Variants in ANK3 observed in about 807,000 individuals in gnomAD.
ANK3 encodes ankyrin 3.
A neutral mutation model predicts 370.9 loss-of-function variants in ANK3; 57 were observed. That is an observed-to-expected ratio of 0.15 (90% confidence interval 0.12 to 0.19). The LOEUF is 0.19. Among genes scored for constraint, ANK3 ranks in the 10% least tolerant of loss-of-function variants. ANK3 has a pLI of 1.00. For missense variants in ANK3, 4,439 were observed against 5,302.1 expected (o/e 0.84, Z 5.06); for synonymous variants, 1,929 against 1,946.3 (o/e 0.99, Z 0.23).
intron 1 of ANK3, among the ~76,000 whole-genome samples, chr10:60,294,994 G>T (rs2042203288): frequency 1.3e-5 from 2 of 152,134 alleles, no homozygotes; most frequent in Admixed American, 1.3e-4. Flanking sequence ...CAAATTTAAG[G>T]TAACCGCTGG....
In ANK3 at chr10:60,059,489, T is replaced by G. The variant is rs2079905669; in HGVS notation, c.12596-59A>C. On this transcript the variant is annotated intron_variant, in intron 40 of 43. Transcript: ENST00000280772. ...GAACACGCTTAAGAATAGCCTGTACTTTTTCTTCTGTCATCTCCTCAGACT... is the reference window on the plus strand; with the variant it reads ...GAACACGCTTAAGAATAGCCTGTACGTTTTCTTCTGTCATCTCCTCAGACT... 29 of 1,458,752 alleles carry G rather than the reference T, an allele frequency of 2.0e-5. No individual in the cohort carries two copies. In the South Asian group the frequency reaches 3.2e-4, roughly 16 times the overall value. 90.4% of individuals were successfully genotyped at this position (1,458,752 alleles called of 1,614,324 possible).
intron 10 of ANK3, 32 bp downstream of exon 10, chr10:60,208,004 C>T (rs1325768441): frequency 1.3e-6 from 2 of 1,596,268 alleles, no homozygotes; most frequent in African/African-American, 2.7e-5. Context: ...AGCAAGACAA[C>T]TGAGGCTGGA....
At chr10:60,115,630 A>G (rs2093029494) in intron 25 of ANK3, among the ~76,000 whole-genome samples, 1 of 152,224 alleles carries the variant, frequency 6.6e-6, no homozygotes, top group South Asian at 2.1e-4. Flanking sequence ...TAGAATATAC[A>G]TAAGAAGGAA....
Position 60,074,300 on chromosome 10 carries a change from G to T in ANK3, c.6581C>A (p.Pro2194His). The T allele has an allele frequency of 6.2e-7, 1 of 1,614,076 alleles. No individual in the cohort carries two copies. Among genetic ancestry groups the T allele is most frequent in the Non-Finnish European group, 8.5e-7 (1 of 1,180,004 alleles). ...TTCCATAAAAGTAGGTGAAGGTTTA[G>T]GTGACACAGGCTCCTCTGGTTGGGT... is the stretch of plus-strand genomic sequence containing the variant. Reference protein sequence around the residue: ...PQTQPEEPVSPKPSPTFMELE... With the variant: ...PQTQPEEPVSHKPSPTFMELE... Residue 2194 changes from proline (P) to histidine (H), a missense_variant, in exon 37 of 44, where the codon CCT becomes CAT. Physicochemically the swap from Pro to His is moderately conservative, Grantham distance 77. Coordinates refer to ENST00000280772, the MANE Select transcript of ANK3 (RefSeq NM_020987.5).
At chr10:60,046,038 TAAAAC>T (rs1270808257) in intron 42 of ANK3, among the ~76,000 whole-genome samples, 2 of 152,062 alleles carry the variant, frequency 1.3e-5, no homozygotes, top group Non-Finnish European at 2.9e-5. Flanking sequence ...GGAATGAAAA[TAAAAC>T]AAGGTGTTGC....
At chr10:60,109,714 T>G (rs1323804655) in intron 26 of ANK3, among the ~76,000 whole-genome samples, 1 of 152,224 alleles carries the variant, frequency 6.6e-6, no homozygotes, top group Non-Finnish European at 1.5e-5. Flanking sequence ...AAAGTGGAAC[T>G]TAGACTTTTA....
At chr10:60,270,961 A>C (rs1039446810) in intron 4 of ANK3, among the ~76,000 whole-genome samples, 1 of 152,140 alleles carries the variant, frequency 6.6e-6, no homozygotes, top group African/African-American at 2.4e-5. Flanking sequence ...ACATATATTT[A>C]GTTTGAATGT....
At chr10:60,271,474 T>C (rs2097983689) in intron 4 of ANK3, among the ~76,000 whole-genome samples, 1 of 152,210 alleles carries the variant, frequency 6.6e-6, no homozygotes, top group African/African-American at 2.4e-5. Flanking sequence ...CTCAAAGTGC[T>C]TGATTATAGG....
At chr10:60,123,880 G>A (rs1376067696) in intron 25 of ANK3, among the ~76,000 whole-genome samples, 2 of 152,148 alleles carry the variant, frequency 1.3e-5, no homozygotes, top group African/African-American at 4.8e-5. Context: ...ACTTGGACAG[G>A]GCCAAGGCAG....
rs778935084 is a variant in ANK3 at position 60,173,077 on chromosome 10, A to C, written c.2283+11T>G. 1.2e-6 allele frequency: 2 copies of C among 1,611,384 alleles called. No individual in the cohort carries two copies. Among genetic ancestry groups the C allele is most frequent in the South Asian group, 2.2e-5 (2 of 90,560 alleles). ...ATGATTCTGGCAGAAACAAAAAAGG[A>C]AGGAGCTTACCTTTGTTTTGGCATT... On this transcript the variant is annotated intron_variant, in intron 19 of 43. Coordinates refer to ENST00000280772, the MANE Select transcript of ANK3 (RefSeq NM_020987.5).
At chr10:60,593,014 T>A (rs1415865710) in intron 2 of ANK3, among the ~76,000 whole-genome samples, 1 of 152,208 alleles carries the variant, frequency 6.6e-6, no homozygotes, top group Non-Finnish European at 1.5e-5. Context: ...TCCCTTTTTC[T>A]TCCCTCTTTT....
At chr10:60,190,996 A>G (rs2096467111) in intron 16 of ANK3, among the ~76,000 whole-genome samples, 1 of 152,204 alleles carries the variant, frequency 6.6e-6, no homozygotes, top group Non-Finnish European at 1.5e-5. Flanking sequence ...AGGACATCCT[A>G]TTCAATAAAT....
chr10:60,577,831 C>A (rs1197832047), intron 2 of ANK3, among the ~76,000 whole-genome samples: 1 of 152,140 alleles, frequency 6.6e-6, no homozygotes, highest in African/African-American at 2.4e-5. Context: ...TTCTTTGAGT[C>A]TTCATATTGA....
At chr10:60,232,211 T>G (rs10821705) in intron 8 of ANK3, among the ~76,000 whole-genome samples, 57,537 of 152,010 alleles carry the variant, frequency 0.38, 12,100 homozygotes, top group East Asian at 0.5. Context: ...GCTGTTCTGT[T>G]GATTGACTAT....
chr10:60,202,950 G>T, intron 12 of ANK3, 52 bp downstream of exon 12: 1 of 1,304,618 alleles, frequency 7.7e-7, no homozygotes, highest in Non-Finnish European at 1.1e-6. Context: ...AACCACCTTT[G>T]CCAGTTTATT....
At chr10:60,624,508 T>C (rs111594794) in intron 1 of ANK3, among the ~76,000 whole-genome samples, 82 of 152,284 alleles carry the variant, frequency 5.4e-4, no homozygotes, top group African/African-American at 1.9e-3. Context: ...GATTTGAATC[T>C]GTATTCTTTT....
chr10:60,216,088 G>A (rs180984313), intron 8 of ANK3, among the ~76,000 whole-genome samples: 7 of 152,182 alleles, frequency 4.6e-5, no homozygotes, highest in Admixed American at 4.6e-4. Context: ...GTATACCTAC[G>A]TATTTTATTC....
chr10:60,230,757 C>T (rs548612442), intron 8 of ANK3, among the ~76,000 whole-genome samples: 54 of 151,962 alleles, frequency 3.6e-4, no homozygotes, highest in Middle Eastern at 3.4e-3. Flanking sequence ...GGCGTGGTGG[C>T]GGGCACCTGT....
chr10:60,531,234 A>G (rs1466416444), intron 2 of ANK3, among the ~76,000 whole-genome samples: 3 of 152,092 alleles, frequency 2.0e-5, no homozygotes, highest in Non-Finnish European at 4.4e-5. Context: ...AATGAGTACC[A>G]CACAACCACG....
Sources: allele counts gnomAD v4.1 joint callset (sites outside exome capture counted in the v4.1 genomes callset), GRCh38; gene constraint gnomAD v4.1.1; transcripts MANE v1.5; gene names NCBI Gene and HGNC (gene_info 2026-07-23, HGNC 2026-07-21).